TPD52: variants seen among roughly 807,000 people sequenced by gnomAD.
The protein encoded by TPD52 is prostate and colon associated protein.
In TPD52, 17 loss-of-function variants were observed where a neutral mutation model predicts 31.3. The ratio of observed to expected loss-of-function variants is 0.54; its 90% CI spans 0.37 to 0.82. The LOEUF is 0.82. TPD52 is among the 40% of genes least tolerant of loss of function. The pLI, the probability that TPD52 is intolerant of heterozygous loss-of-function variation, is 0.00. For synonymous variants in TPD52, 83 were observed against 89.6 expected, an observed-to-expected ratio of 0.93 and a Z score of 0.42; for missense variants, 212 against 240.1, an observed-to-expected ratio of 0.88 and a Z score of 0.77.
At chr8:80,139,332 T>C (rs1289037471) in intron 1 of TPD52, among the ~76,000 whole-genome samples, 1 of 152,182 alleles carries the variant, frequency 6.6e-6, no homozygotes, top group Non-Finnish European at 1.5e-5. Context: ...TTCACAGAGT[T>C]ATGCAAACAT....
chr8:80,111,041 A>T (rs552510643), intron 1 of TPD52, among the ~76,000 whole-genome samples: 1 of 152,110 alleles, frequency 6.6e-6, no homozygotes, highest in South Asian at 2.1e-4. Context: ...CCTTGTCTCT[A>T]AGAAAAATAA....
chr8:80,099,805 C>T (rs1806604766), intron 1 of TPD52, among the ~76,000 whole-genome samples: 1 of 152,216 alleles, frequency 6.6e-6, no homozygotes, highest in South Asian at 2.1e-4. Flanking sequence ...GCCAGCGCGC[C>T]CAGCTGGTCT....
intron 1 of TPD52, among the ~76,000 whole-genome samples, chr8:80,122,221 C>A (rs1331782406): frequency 1.3e-5 from 2 of 151,972 alleles, no homozygotes; most frequent in Non-Finnish European, 2.9e-5. Flanking sequence ...GTAAGACAAA[C>A]CAAGCTGTGA....
At chr8:80,100,231 T>A (rs1284602181) in intron 1 of TPD52, among the ~76,000 whole-genome samples, 1 of 152,186 alleles carries the variant, frequency 6.6e-6, no homozygotes, top group Non-Finnish European at 1.5e-5. Flanking sequence ...AGAAACAAGC[T>A]CTGAAATAAA....
At position 80,117,179 on chromosome 8, in the gene TPD52, A is replaced by G. The variant is rs936733634; in HGVS notation, c.20-52586T>C. Among the ~76,000 whole-genome samples the G allele has an allele frequency of 1.1e-4, 17 of 152,216 alleles. 1 individual carries two copies. Among genetic ancestry groups the G allele is most frequent in the Non-Finnish European group, 2.2e-4 (15 of 68,024 alleles). ...TAGGCAAGAAAAAGGACTAAAAGGCATCCGTTTTGGAAATGAAAAAGTAAA... is the reference window on the plus strand; with the variant it reads ...TAGGCAAGAAAAAGGACTAAAAGGCGTCCGTTTTGGAAATGAAAAAGTAAA... On this transcript the variant is annotated intron_variant, in intron 1 of 7. Transcript: ENST00000518937.
chr8:80,152,166 C>G (rs544740029), intron 1 of TPD52, among the ~76,000 whole-genome samples: 10 of 110,022 alleles, frequency 9.1e-5, no homozygotes, highest in Admixed American at 4.7e-4. Flanking sequence ...ATCAGACCTG[C>G]CTTTCATGCC....
downstream of TPD52, among the ~76,000 whole-genome samples, chr8:80,032,483 C>G (rs774777103): frequency 1.3e-5 from 2 of 152,112 alleles, no homozygotes; most frequent in African/African-American, 2.4e-5. Flanking sequence ...GAGGGAACAT[C>G]GCTTGAGCCC....
intron 2 of TPD52, among the ~76,000 whole-genome samples, chr8:80,062,639 T>C (rs913855776): frequency 2.6e-5 from 4 of 152,136 alleles, no homozygotes; most frequent in African/African-American, 9.7e-5. Context: ...GTGTTAATAC[T>C]GTGAAAACAG....
At chr8:80,169,140 G>A (rs1285194242) in intron 1 of TPD52, among the ~76,000 whole-genome samples, 5 of 152,048 alleles carry the variant, frequency 3.3e-5, no homozygotes, top group African/African-American at 9.7e-5. Context: ...CGGTGCCACC[G>A]CGCCGAGCTA....
chr8:80,074,887 G>C lies in TPD52; in HGVS notation c.20-10294C>G, dbSNP rs137905779. 8.8e-3 allele frequency among the ~76,000 whole-genome samples: 1,343 copies of C among 152,262 alleles called. 25 individuals are homozygous for C. The highest frequency in any genetic ancestry group is 0.031 in the African/African-American group (1,284 of 41,542). On this transcript the variant is annotated intron_variant, in intron 1 of 7. Coordinates refer to ENST00000518937, the MANE Select transcript of TPD52 (RefSeq NM_001025253.3). ...TTGGGTAATTGTAGTCAAGGTAGCA[G>C]GGAAGAAAAAAACTGAGAAAACTTG...
chr8:80,150,770 C>T (rs1207948509), intron 1 of TPD52, among the ~76,000 whole-genome samples: 1 of 152,226 alleles, frequency 6.6e-6, no homozygotes, highest in African/African-American at 2.4e-5. Context: ...CCTGTACCTT[C>T]ATTGTATCTA....
intron 1 of TPD52, among the ~76,000 whole-genome samples, chr8:80,115,781 G>C (rs1807822805): frequency 6.6e-6 from 1 of 152,186 alleles, no homozygotes; most frequent in Non-Finnish European, 1.5e-5. Flanking sequence ...ACATGGCAGT[G>C]ATACCAGTCC....
chr8:80,061,479 A>T (rs1812545418), intron 2 of TPD52, among the ~76,000 whole-genome samples: 1 of 150,850 alleles, frequency 6.6e-6, no homozygotes, highest in Non-Finnish European at 1.5e-5. Flanking sequence ...TGGCAGGAGG[A>T]TCACTTGAGT....
At chr8:80,152,930 G>T (rs1810686071) in intron 1 of TPD52, among the ~76,000 whole-genome samples, 1 of 152,050 alleles carries the variant, frequency 6.6e-6, no homozygotes, top group Non-Finnish European at 1.5e-5. Context: ...TGTGTGCTGG[G>T]GAGGGGAGAA....
intron 1 of TPD52, among the ~76,000 whole-genome samples, chr8:80,147,698 G>A (rs918022473): frequency 4.6e-5 from 7 of 152,054 alleles, no homozygotes; most frequent in Non-Finnish European, 8.8e-5. Context: ...GGGCAAAGGC[G>A]ACAAAAAAGG....
At chr8:80,072,815 A>ATATATATATATATATAT (rs1586229273) in intron 1 of TPD52, among the ~76,000 whole-genome samples, 1 of 151,138 alleles carries the variant, frequency 6.6e-6, no homozygotes, top group African/African-American at 2.5e-5. Flanking sequence ...ATATATATAT[A>ATATATATATATATATAT]AACTTGGCCA....
intron 1 of TPD52, among the ~76,000 whole-genome samples, chr8:80,074,930 G>T (rs1329501479): frequency 2.0e-5 from 3 of 152,144 alleles, no homozygotes; most frequent in African/African-American, 7.2e-5. Context: ...CCATTTAAGG[G>T]AAGACCCAAG....
chr8:80,131,967 A>G (rs755309774), intron 1 of TPD52, among the ~76,000 whole-genome samples: 3 of 152,032 alleles, frequency 2.0e-5, no homozygotes, highest in Non-Finnish European at 4.4e-5. Context: ...TGAAATCTCA[A>G]CTCACTGAAC....
rs1330657422 is a variant in TPD52 at position 80,051,743 on chromosome 8, C to T, written c.285-115G>A. The T allele has an allele frequency of 7.4e-6, 6 of 806,770 alleles. No individual in the cohort carries two copies. In the East Asian group the frequency reaches 8.4e-5, roughly 11 times the overall value. The allele number at this position is 806,770 out of a possible 1,614,324, so 50.0% of individuals were successfully genotyped here. On this transcript the variant is annotated intron_variant, in intron 3 of 7. Coordinates refer to ENST00000518937, the MANE Select transcript of TPD52 (RefSeq NM_001025253.3). Reference sequence around the variant, plus strand: ...CTGGAGAACTCTCAAAAAGAGAAAACATTTTTCAGAACTTCTAAAATCCTT... The same window carrying T: ...CTGGAGAACTCTCAAAAAGAGAAAATATTTTTCAGAACTTCTAAAATCCTT...
Sources: allele counts gnomAD v4.1 joint callset (sites outside exome capture counted in the v4.1 genomes callset), GRCh38; gene constraint gnomAD v4.1.1; transcripts MANE v1.5; gene names NCBI Gene and HGNC (gene_info 2026-07-23, HGNC 2026-07-21).